Variants in ZC3HC1 observed in about 807,000 individuals in gnomAD.
ZC3HC1 encodes zinc finger C3HC-type containing 1.
A neutral mutation model predicts 61.9 loss-of-function variants in ZC3HC1; 38 were observed. That is an observed-to-expected ratio of 0.61 (90% CI 0.47 to 0.81). ZC3HC1 has a LOEUF of 0.81. Among genes scored for constraint, ZC3HC1 ranks in the 30% least tolerant of loss-of-function variants. The probability of loss-of-function intolerance (pLI) is 0.00; values close to 1 mark genes in which losing one functional copy is unlikely to be tolerated. For missense variants in ZC3HC1, 554 were observed against 622.7 expected (o/e 0.89, Z 1.17); for synonymous variants, 213 against 229.9 (o/e 0.93, Z 0.67).
intron 5 of ZC3HC1, among the ~76,000 whole-genome samples, chr7:130,027,921 C>T (rs1313732026): frequency 6.6e-6 from 1 of 151,806 alleles, no homozygotes; most frequent in Non-Finnish European, 1.5e-5. Context: ...GTAATCCCAG[C>T]ACTTTGGGAG....
In ZC3HC1 at chr7:130,045,509, G is replaced by C. The variant is rs1487090770; in HGVS notation, c.258+3524C>G. Reference sequence around the variant, plus strand: ...ATGGTCTATAGGAGACAAAATGACAGCCCAGAGAAGAATTTGCCATTTTCA... The same window carrying C: ...ATGGTCTATAGGAGACAAAATGACACCCCAGAGAAGAATTTGCCATTTTCA... On this transcript the variant is annotated intron_variant, in intron 2 of 9. Transcript: ENST00000358303. The C allele has an allele frequency of 2.0e-5, 9 of 457,476 alleles. No individual in the cohort carries two copies. The Admixed American group carries it at 2.1e-4, about 11-fold the overall frequency. The allele number at this position is 457,476 out of a possible 1,614,324, so 28.3% of individuals were successfully genotyped here.
rs540867366 is a variant in ZC3HC1, at chr7:130,043,214, T to A, written c.259-2113A>T. 2.5e-3 allele frequency among the ~76,000 whole-genome samples: 377 copies of A among 151,782 alleles called. 1 individual carries two copies. The highest frequency in any genetic ancestry group is 8.5e-3 in the African/African-American group (353 of 41,420). ...CTCGCTTGAACTTGGGAGGCGGAGG[T>A]TGCAGTGAGCTGAGATGGTACCACT... On this transcript the variant is annotated intron_variant, in intron 2 of 9. Coordinates refer to ENST00000358303, the MANE Select transcript of ZC3HC1 (RefSeq NM_016478.5).
intron 2 of ZC3HC1, among the ~76,000 whole-genome samples, chr7:130,048,256 T>A (rs974016984): frequency 3.3e-5 from 5 of 150,982 alleles, no homozygotes; most frequent in Non-Finnish European, 5.9e-5. Context: ...TTCAAGCTAT[T>A]CTCCTGCCTC....
chr7:130,051,187 C>T (rs1795060482), intron 1 of ZC3HC1, 34 bp downstream of exon 1: 2 of 1,573,026 alleles, frequency 1.3e-6, no homozygotes, highest in Non-Finnish European at 1.7e-6. Flanking sequence ...TTCAATCTTC[C>T]AACGCCGGAC....
intron 3 of ZC3HC1, 37 bp from the exon 4 acceptor site, chr7:130,039,584 C>T (rs765110676): frequency 1.3e-6 from 2 of 1,518,160 alleles, no homozygotes; most frequent in African/African-American, 2.8e-5. Flanking sequence ...TTAAAAAACA[C>T]TATATAGATT....
In ZC3HC1 at chr7:130,026,628, G is replaced by A. The variant is rs186780936; in HGVS notation, c.622-316C>T. ...AACCTGCAAACTTCAAACCCAAATA[G>A]TGAAGACAAATTACTGCTTATGTCT... On this transcript the variant is annotated intron_variant, in intron 5 of 9. Coordinates refer to ENST00000358303, the MANE Select transcript of ZC3HC1 (RefSeq NM_016478.5). 42 of 202,924 alleles carry A rather than the reference G, an allele frequency of 2.1e-4. No individual in the cohort carries two copies. The Admixed American group carries it at 2.2e-3, about 10-fold the overall frequency. The allele number at this position is 202,924 out of a possible 1,614,324, so 12.6% of individuals were successfully genotyped here. A position where few individuals can be genotyped will look rare whatever the true frequency, so the allele number is the denominator to read the frequency against.
chr7:130,026,746 G>T (rs566197174), intron 5 of ZC3HC1: 1 of 152,882 alleles, frequency 6.5e-6, no homozygotes, highest in South Asian at 2.0e-4. Context: ...GAGGCAGGTG[G>T]ATCACAAGGT....
rs1366369544 is a variant in ZC3HC1 at position 130,024,506 on chromosome 7, A to G, written c.777T>C (p.Ser259=). 6 of 1,602,286 alleles carry G rather than the reference A, an allele frequency of 3.7e-6. No individual in the cohort carries two copies. The highest frequency in any genetic ancestry group is 5.1e-6 in the Non-Finnish European group (6 of 1,173,740). The change falls in exon 7 of 10, where the codon AGT becomes AGC. Residue 259 remains serine, a splice_region_variant and synonymous_variant. Coordinates refer to ENST00000358303, the MANE Select transcript of ZC3HC1 (RefSeq NM_016478.5). The part of the protein sequence containing the change: ...CILSVCGWAC[S]SSLESMQLSL... The stretch of plus-strand genomic sequence containing the variant: ...AGAGCTGCATGGATTCCAAAGAGGA[A>G]CTAGATAGGAATGAAAAAGAGAGTT...
At chr7:130,029,518 G>A (rs1794082354) in intron 4 of ZC3HC1, among the ~76,000 whole-genome samples, 1 of 152,166 alleles carries the variant, frequency 6.6e-6, no homozygotes, top group Non-Finnish European at 1.5e-5. Context: ...CTGAGACCAT[G>A]TTTAAAAAGT....
At chr7:130,040,422 A>G (rs796193503) in intron 3 of ZC3HC1, among the ~76,000 whole-genome samples, 7 of 134,594 alleles carry the variant, frequency 5.2e-5, no homozygotes, top group African/African-American at 2.2e-4. Context: ...TGAACCCAGG[A>G]GGCGGAGCTT....
chr7:130,035,631 G>A (rs191851490), intron 4 of ZC3HC1, among the ~76,000 whole-genome samples: 3 of 152,052 alleles, frequency 2.0e-5, no homozygotes, highest in African/African-American at 7.2e-5. Context: ...ACAGGCATGT[G>A]CCACCACGCC....
At chr7:130,041,131 A>AATATAT in intron 2 of ZC3HC1, 30 bp from the exon 3 acceptor site, 2 of 1,370,698 alleles carry the variant, frequency 1.5e-6, no homozygotes, top group Non-Finnish European at 2.0e-6. Context: ...CAACACAGCA[A>AATATAT]ATATATATAT....
chr7:130,027,999 T>C, intron 5 of ZC3HC1, among the ~76,000 whole-genome samples: 1 of 150,360 alleles, frequency 6.7e-6, no homozygotes, highest in Non-Finnish European at 1.5e-5. Context: ...AAACCCTGTC[T>C]CTACTAAAAT....
chr7:130,029,384 TAATAA>T (rs1295473196), intron 4 of ZC3HC1, among the ~76,000 whole-genome samples: 1 of 151,788 alleles, frequency 6.6e-6, no homozygotes, highest in African/African-American at 2.4e-5. Context: ...CAAAAAATAA[TAATAA>T]AATAAAATAA....
At chr7:130,038,016 A>T (rs143717595) in intron 4 of ZC3HC1, among the ~76,000 whole-genome samples, 2,383 of 152,296 alleles carry the variant, frequency 0.016, 34 homozygotes, top group Middle Eastern at 0.024. Context: ...GGCTGGTCTC[A>T]AACTCCTAAA....
intron 2 of ZC3HC1, among the ~76,000 whole-genome samples, chr7:130,047,901 T>G (rs955633168): frequency 1.3e-5 from 2 of 152,290 alleles, no homozygotes; most frequent in African/African-American, 4.8e-5. Flanking sequence ...CTTTTGAGAT[T>G]AGATTACAAA....
chr7:130,031,977 A>G (rs186912007), intron 4 of ZC3HC1, among the ~76,000 whole-genome samples: 74 of 152,242 alleles, frequency 4.9e-4, no homozygotes, highest in Admixed American at 1.2e-3. Context: ...TGTAATCCCA[A>G]CACTTTGGGA....
At chr7:130,035,747 G>T (rs1053457385) in intron 4 of ZC3HC1, among the ~76,000 whole-genome samples, 5 of 152,160 alleles carry the variant, frequency 3.3e-5, no homozygotes, top group African/African-American at 4.8e-5. Flanking sequence ...CTTCCAGACT[G>T]CTGGAATCAC....
chr7:130,023,419 C>A lies in ZC3HC1; in HGVS notation c.1233+92G>T, dbSNP rs11762946. 3.9e-6 allele frequency: 5 copies of A among 1,265,826 alleles called. No individual in the cohort carries two copies. The Admixed American group carries it at 8.6e-5, about 22-fold the overall frequency. 78.4% of individuals were successfully genotyped at this position (1,265,826 alleles called of 1,614,324 possible). On this transcript the variant is annotated intron_variant, in intron 8 of 9. Transcript: ENST00000358303. The surrounding 1 kb of genome is among the most constrained non-coding windows in gnomAD (Gnocchi z 4.2). ...ATGGTCTACTTTTTGCATTGGACCA[C>A]GGAAGGGCTCCTGCCTGCTTCTCCA...
Sources: gnomAD v4.1 joint callset for allele counts (sites outside exome capture counted in the v4.1 genomes callset) on GRCh38, gnomAD v4.1.1 for gene constraint, Gnocchi (gnomAD v3.1) non-coding constraint, MANE v1.5 for transcripts, NCBI Gene and HGNC (gene_info 2026-07-23, HGNC 2026-07-21) for gene names.